Variants in MOB3B observed in about 807,000 individuals in gnomAD.
The protein encoded by MOB3B is MOB kinase activator-like 2B.
In MOB3B, 7 loss-of-function variants were observed where a neutral mutation model predicts 18.7. The ratio of observed to expected loss-of-function variants is 0.37; its 90% CI spans 0.21 to 0.70. The LOEUF (loss-of-function observed/expected upper bound fraction) is 0.70. MOB3B is among the 30% of genes least tolerant of loss of function. The probability of loss-of-function intolerance (pLI) is 0.52; values close to 1 mark genes in which losing one functional copy is unlikely to be tolerated. For missense variants in MOB3B, 253 were observed against 281.3 expected, an observed-to-expected ratio of 0.90 and a Z score of 0.72; for synonymous variants, 111 against 99.9, an observed-to-expected ratio of 1.11 and a Z score of -0.66.
Position 27,359,101 on chromosome 9 carries a change from C to G in MOB3B, c.554G>C (p.Cys185Ser). The G allele has an allele frequency of 6.2e-7, 1 of 1,614,114 alleles. No homozygotes were observed. The highest frequency in any genetic ancestry group is 8.5e-7 in the Non-Finnish European group (1 of 1,180,014). ...GACAAAGTAATAGAAGTGTTTGTAGCAGGTGTTGACATGGGCCTCTGCACC... is the reference window on the plus strand; with the variant it reads ...GACAAAGTAATAGAAGTGTTTGTAGGAGGTGTTGACATGGGCCTCTGCACC... ...VMGAEAHVNT[C>S]YKHFYYFVTE... Residue 185 changes from cysteine to serine, a missense_variant, in exon 3 of 4, where the codon TGC (cysteine) becomes TCC (serine). Transcript: ENST00000262244.
chr9:27,463,621 T>C (rs756361744), intron 1 of MOB3B, among the ~76,000 whole-genome samples: 4 of 152,204 alleles, frequency 2.6e-5, no homozygotes, highest in Non-Finnish European at 5.9e-5. Flanking sequence ...TAGCTGGCTA[T>C]GTCTTTGAAC....
intron 3 of MOB3B, among the ~76,000 whole-genome samples, chr9:27,336,645 C>G (rs775281154): frequency 5.9e-5 from 9 of 152,072 alleles, no homozygotes; most frequent in Non-Finnish European, 1.3e-4. Context: ...AGGGCCACAT[C>G]TGACATTATG....
intron 2 of MOB3B, chr9:27,378,566 G>A (rs778699554): frequency 3.0e-5 from 14 of 470,960 alleles, no homozygotes; most frequent in African/African-American, 1.0e-4. Context: ...GGTGAGGGCC[G>A]GGGATCTGGT....
chr9:27,411,305 TCATCC>T (rs949821292), intron 2 of MOB3B, among the ~76,000 whole-genome samples: 1 of 152,190 alleles, frequency 6.6e-6, no homozygotes, highest in African/African-American at 2.4e-5. Flanking sequence ...AGCTCTCTCT[TCATCC>T]CACGCAAGGT....
At chr9:27,482,658 C>T (rs1819679060) in intron 1 of MOB3B, among the ~76,000 whole-genome samples, 1 of 152,176 alleles carries the variant, frequency 6.6e-6, no homozygotes, top group Non-Finnish European at 1.5e-5. Flanking sequence ...GTGGCCTGCC[C>T]AGATGTCTTT....
chr9:27,480,094 T>C (rs1386262186), intron 1 of MOB3B, among the ~76,000 whole-genome samples: 2 of 151,184 alleles, frequency 1.3e-5, no homozygotes, highest in Non-Finnish European at 2.9e-5. Flanking sequence ...ATTCATATTA[T>C]TCATATAATA....
At chr9:27,460,119 A>T (rs796693658) in intron 1 of MOB3B, among the ~76,000 whole-genome samples, 1 of 152,226 alleles carries the variant, frequency 6.6e-6, no homozygotes, top group East Asian at 1.9e-4. Context: ...ACAATTTGGT[A>T]TGTAGTTTTG....
At chr9:27,417,221 A>G (rs1822164735) in intron 2 of MOB3B, among the ~76,000 whole-genome samples, 1 of 152,068 alleles carries the variant, frequency 6.6e-6, no homozygotes, top group Non-Finnish European at 1.5e-5. Context: ...AAAATTAGCC[A>G]GGCGTGGTGG....
At chr9:27,339,598 T>C (rs1820911369) in intron 3 of MOB3B, among the ~76,000 whole-genome samples, 1 of 152,250 alleles carries the variant, frequency 6.6e-6, no homozygotes, top group African/African-American at 2.4e-5. Context: ...ATCAGTCTTA[T>C]GGGGTATGTG....
intron 2 of MOB3B, among the ~76,000 whole-genome samples, chr9:27,425,878 A>ATTTG: frequency 6.6e-6 from 1 of 152,168 alleles, no homozygotes; most frequent in Non-Finnish European, 1.5e-5. Context: ...CAAACCACAA[A>ATTTG]GGGCCTGAAA....
At chr9:27,474,006 C>T (rs1819514191) in intron 1 of MOB3B, among the ~76,000 whole-genome samples, 1 of 152,178 alleles carries the variant, frequency 6.6e-6, no homozygotes, top group Non-Finnish European at 1.5e-5. Flanking sequence ...CACCAGAACC[C>T]AATCATGCTG....
At chr9:27,480,788 A>T (rs1285577614) in intron 1 of MOB3B, among the ~76,000 whole-genome samples, 3 of 152,212 alleles carry the variant, frequency 2.0e-5, no homozygotes, top group Admixed American at 2.0e-4. Flanking sequence ...AGAATACTCA[A>T]ATGAGACATA....
chr9:27,493,481 A>C (rs1290281085), intron 1 of MOB3B, among the ~76,000 whole-genome samples: 1 of 152,144 alleles, frequency 6.6e-6, no homozygotes, highest in African/African-American at 2.4e-5. Flanking sequence ...TCTACTAAAA[A>C]TACAAGAAAA....
intron 2 of MOB3B, among the ~76,000 whole-genome samples, chr9:27,370,368 C>T (rs969628756): frequency 6.6e-6 from 1 of 152,048 alleles, no homozygotes; most frequent in African/African-American, 2.4e-5. Context: ...ATTAGCCGGG[C>T]ATGGTGGTGC....
chr9:27,470,166 T>G (rs1819451074), intron 1 of MOB3B, among the ~76,000 whole-genome samples: 1 of 150,888 alleles, frequency 6.6e-6, no homozygotes, highest in African/African-American at 2.4e-5. Context: ...TCTTTTTAGA[T>G]CTATGGAGAG....
chr9:27,467,943 A>G (rs2131464310), intron 1 of MOB3B, among the ~76,000 whole-genome samples: 1 of 152,352 alleles, frequency 6.6e-6, no homozygotes, highest in East Asian at 1.9e-4. Context: ...TTGAAGCCAC[A>G]TAGGGAAGAG....
At chr9:27,469,421 C>A (rs915654067) in intron 1 of MOB3B, among the ~76,000 whole-genome samples, 1 of 152,164 alleles carries the variant, frequency 6.6e-6, no homozygotes, top group Non-Finnish European at 1.5e-5. Context: ...AGCATCCTGG[C>A]CCCTAACCTG....
rs559806304 is a variant in MOB3B at position 27,416,544 on chromosome 9, AT to A, written c.418+38588del. 5.9e-3 allele frequency among the ~76,000 whole-genome samples: 712 copies of A among 121,252 alleles called. 5 individuals carry two copies. The highest frequency in any genetic ancestry group is 7.6e-3 in the Non-Finnish European group (457 of 60,278). The allele number at this position is 121,252 out of a possible 152,430, so 79.5% of individuals were successfully genotyped here. On this transcript the variant is annotated intron_variant, in intron 2 of 3. Coordinates refer to ENST00000262244, the MANE Select transcript of MOB3B (RefSeq NM_024761.5). ...GAACCCCTGGAGTAATTTCTTTTTA[AT>A]TTTTTTTTTTTTTTTTTTTTTTTTT...
chr9:27,435,217 C>G (rs555417855), intron 2 of MOB3B, among the ~76,000 whole-genome samples: 19 of 152,078 alleles, frequency 1.2e-4, no homozygotes, highest in Non-Finnish European at 2.5e-4. Flanking sequence ...CCCCACACTC[C>G]TTTTTTAATT....
Sources: allele counts gnomAD v4.1 joint callset (sites outside exome capture counted in the v4.1 genomes callset), GRCh38; gene constraint gnomAD v4.1.1; transcripts MANE v1.5; gene names NCBI Gene and HGNC (gene_info 2026-07-23, HGNC 2026-07-21).